The following CACNA2D1 variants were observed in gnomAD, a reference collection of about 807,000 sequenced individuals.
CACNA2D1 encodes the protein calcium voltage-gated channel auxiliary subunit alpha2delta 1, also known as voltage-dependent calcium channel subunit alpha-2/delta-1.
CACNA2D1 carries 53 observed loss-of-function variants against 171.5 expected under a neutral mutation model. The observed-to-expected ratio is 0.31, with a 90% CI of 0.25 to 0.39. CACNA2D1 has a LOEUF of 0.39. Among genes scored for constraint, CACNA2D1 ranks in the 10% least tolerant of loss-of-function variants. The pLI is 1.00. For synonymous variants in CACNA2D1, 442 were observed against 443.1 expected, an observed-to-expected ratio of 1.00 and a Z score of 0.03; for missense variants, 903 against 1,299.8, an observed-to-expected ratio of 0.69 and a Z score of 4.69.
chr7:82,262,126 T>C (rs959193927), intron 3 of CACNA2D1, among the ~76,000 whole-genome samples: 1 of 152,158 alleles, frequency 6.6e-6, no homozygotes, highest in Non-Finnish European at 1.5e-5. Context: ...GGTCAGGAGA[T>C]CGAGACCATC....
At chr7:82,420,038 AC>A (rs1306116765) in intron 1 of CACNA2D1, among the ~76,000 whole-genome samples, 1 of 152,146 alleles carries the variant, frequency 6.6e-6, no homozygotes, top group Non-Finnish European at 1.5e-5. Context: ...ACTTCAAAGA[AC>A]TGTCTGATCC....
intron 1 of CACNA2D1, among the ~76,000 whole-genome samples, chr7:82,398,925 T>C (rs1826039512): frequency 6.6e-6 from 1 of 151,954 alleles, no homozygotes; most frequent in Non-Finnish European, 1.5e-5. Flanking sequence ...CTTTCCTTCC[T>C]TCCATCCTTC....
rs963893766 is a variant in CACNA2D1 at position 81,948,191 on chromosome 7, C to A, written c.*2201G>T. 1 of 151,676 alleles carries A rather than the reference C, an allele frequency of 6.6e-6. No homozygotes were observed. Among genetic ancestry groups the A allele is most frequent in the African/African-American group, 2.4e-5 (1 of 41,342 alleles). 9.4% of individuals were successfully genotyped at this position (151,676 alleles called of 1,614,324 possible). A position where few individuals can be genotyped will look rare whatever the true frequency, so the allele number is the denominator to read the frequency against. ...CTAACAATTTTATATTTTGATACCC[C>A]CTTCCCAACACTATCATGATTTAAG... On this transcript the variant is annotated 3_prime_UTR_variant, in exon 39 of 39. Transcript: ENST00000356860.
At chr7:82,014,721 C>T (rs374612502) in intron 12 of CACNA2D1, among the ~76,000 whole-genome samples, 23 of 152,262 alleles carry the variant, frequency 1.5e-4, no homozygotes, top group African/African-American at 5.1e-4. Context: ...TATTCCAATC[C>T]TCAGGCAGGA....
intron 4 of CACNA2D1, among the ~76,000 whole-genome samples, chr7:82,162,785 T>C (rs1048962959): frequency 3.9e-5 from 6 of 151,962 alleles, no homozygotes; most frequent in Admixed American, 1.3e-4. Context: ...TATCTCTCCA[T>C]TGAAACCAGT....
intron 5 of CACNA2D1, among the ~76,000 whole-genome samples, chr7:82,126,470 G>A (rs1387527660): frequency 2.5e-4 from 38 of 152,028 alleles, no homozygotes; most frequent in Admixed American, 2.5e-3. Context: ...GAAACATTAT[G>A]CTCATTTGAA....
intron 1 of CACNA2D1, among the ~76,000 whole-genome samples, chr7:82,379,877 A>G (rs906936416): frequency 5.3e-5 from 8 of 151,942 alleles, no homozygotes; most frequent in Non-Finnish European, 7.4e-5. Flanking sequence ...CCTTCCTCCA[A>G]TCTTTGTTAT....
At chr7:82,386,787 C>A (rs78363753) in intron 1 of CACNA2D1, among the ~76,000 whole-genome samples, 1 of 148,384 alleles carries the variant, frequency 6.7e-6, no homozygotes, top group Non-Finnish European at 1.5e-5. Context: ...AATAAAATAA[C>A]TAATACTTAG....
At chr7:82,081,808 C>A (rs1039436142) in intron 7 of CACNA2D1, among the ~76,000 whole-genome samples, 2 of 151,984 alleles carry the variant, frequency 1.3e-5, no homozygotes, top group Admixed American at 6.5e-5. Context: ...TGCACTCCAG[C>A]GTGGTTCCCA....
intron 1 of CACNA2D1, among the ~76,000 whole-genome samples, chr7:82,384,887 CAA>C (rs1824154902): frequency 6.6e-6 from 1 of 152,074 alleles, no homozygotes; most frequent in Admixed American, 6.6e-5. Context: ...ATGCAAGACA[CAA>C]GAGAAAACTT....
intron 24 of CACNA2D1, among the ~76,000 whole-genome samples, chr7:81,977,657 T>C (rs1163547767): frequency 1.3e-5 from 2 of 152,086 alleles, no homozygotes; most frequent in South Asian, 2.1e-4. Flanking sequence ...ATCCAGGCAA[T>C]ACCATTCAGG....
chr7:82,188,013 C>T (rs1414490723), intron 3 of CACNA2D1, among the ~76,000 whole-genome samples: 1 of 152,066 alleles, frequency 6.6e-6, no homozygotes, highest in African/African-American at 2.4e-5. Context: ...ATCTCTATAC[C>T]ATATTTTCTC....
chr7:82,372,850 A>C (rs1822561426), intron 1 of CACNA2D1, among the ~76,000 whole-genome samples: 1 of 152,164 alleles, frequency 6.6e-6, no homozygotes, highest in Admixed American at 6.5e-5. Context: ...ATATTCTTAT[A>C]TTTTACTATC....
intron 6 of CACNA2D1, among the ~76,000 whole-genome samples, chr7:82,097,601 A>T (rs759572233): frequency 2.0e-4 from 30 of 152,136 alleles, no homozygotes; most frequent in Middle Eastern, 3.2e-3. Context: ...GACAACAGTG[A>T]TACATTCAAT....
intron 23 of CACNA2D1, 194 bp from the exon 24 acceptor site, chr7:81,982,821 G>C: frequency 1.5e-6 from 1 of 651,270 alleles, no homozygotes; most frequent in East Asian, 2.8e-5. Context: ...TTATAACATG[G>C]ATTAACTTCA....
intron 24 of CACNA2D1, among the ~76,000 whole-genome samples, chr7:81,979,865 T>C (rs1584270920): frequency 6.6e-6 from 1 of 152,196 alleles, no homozygotes. Flanking sequence ...CAAGTATTTA[T>C]TCAGCACCTA....
At chr7:82,001,588 C>A (rs1798602816) in intron 18 of CACNA2D1, 1 of 473,540 alleles carries the variant, frequency 2.1e-6, no homozygotes, top group Non-Finnish European at 3.9e-6. Flanking sequence ...GCTTTAAGAA[C>A]AGAAGCTTAA....
At chr7:82,238,498 C>G (rs1178881973) in intron 3 of CACNA2D1, among the ~76,000 whole-genome samples, 1 of 151,980 alleles carries the variant, frequency 6.6e-6, no homozygotes, top group Non-Finnish European at 1.5e-5. Flanking sequence ...AATCACTAAT[C>G]ATTAGGGAAA....
rs1256753069 is a variant in CACNA2D1 at position 81,983,326 on chromosome 7, C to T, written c.1882G>A (p.Gly628Ser). The change falls in exon 23 of 39, where the codon GGC becomes AGC. Residue 628 changes from glycine to serine, a missense_variant. Physicochemically the swap from Gly to Ser is moderately conservative, Grantham distance 56 (BLOSUM62 0). Coordinates refer to ENST00000356860, the MANE Select transcript of CACNA2D1 (RefSeq NM_000722.4). ...ETITQARSKK[G>S]KMKDSETLKP... is the part of the protein sequence containing the mutation. ...AGAAAATACTTGCCCTTCATTTTGC[C>T]CTTTTTTGCTGTGAAAATCCATCAG... 2.5e-5 allele frequency: 41 copies of T among 1,611,276 alleles called. No homozygotes were observed. The highest frequency in any genetic ancestry group is 3.1e-5 in the Non-Finnish European group (37 of 1,178,334).
Sources: allele counts gnomAD v4.1 joint callset (sites outside exome capture counted in the v4.1 genomes callset), GRCh38; gene constraint gnomAD v4.1.1; transcripts MANE v1.5; gene names NCBI Gene and HGNC (gene_info 2026-07-23, HGNC 2026-07-21).